Variants in C1orf105 observed in about 807,000 individuals in gnomAD.
C1orf105 encodes chromosome 1 open reading frame 105, also known as uncharacterized protein C1orf105.
Under a neutral mutation model 20.8 loss-of-function variants are expected in C1orf105, and 17 were observed. The observed-to-expected ratio is 0.82, with a 90% CI of 0.56 to 1.23. C1orf105 has a LOEUF of 1.23. Among genes scored for constraint, C1orf105 ranks in the 50% most tolerant of loss-of-function variants. The pLI is 0.00. For synonymous variants in C1orf105, 72 were observed against 72.1 expected, an observed-to-expected ratio of 1.00 and a Z score of 0.01; for missense variants, 219 against 213.5, an observed-to-expected ratio of 1.03 and a Z score of -0.16.
At chr1:172,425,508 A>G (rs764151382) in intron 1 of C1orf105, among the ~76,000 whole-genome samples, 5 of 152,104 alleles carry the variant, frequency 3.3e-5, no homozygotes, top group African/African-American at 7.2e-5. Flanking sequence ...ACAAGCCTTC[A>G]GCTGTTTCTA....
intron 1 of C1orf105, among the ~76,000 whole-genome samples, chr1:172,436,907 C>G (rs577824323): frequency 6.6e-6 from 1 of 151,974 alleles, no homozygotes; most frequent in African/African-American, 2.4e-5. Flanking sequence ...AAAAAACAAC[C>G]CCATCAAAAA....
intron 3 of C1orf105, chr1:172,453,108 C>A: frequency 6.4e-7 from 1 of 1,550,968 alleles, no homozygotes; most frequent in Non-Finnish European, 8.7e-7. Context: ...TTCCACGACT[C>A]TTCAATGCCC....
chr1:172,452,961 T>C, intron 3 of C1orf105: 1 of 1,545,354 alleles, frequency 6.5e-7, no homozygotes. Flanking sequence ...GAGAAGGGAA[T>C]GCAACAGAAG....
At chr1:172,442,538 C>T in intron 1 of C1orf105, 7 of 1,614,210 alleles carry the variant, frequency 4.3e-6, no homozygotes, top group Non-Finnish European at 5.9e-6. Context: ...CGCCGGTCCA[C>T]ATAGTTATCA....
At chr1:172,465,762 T>G in intron 6 of C1orf105, 1 of 438,244 alleles carries the variant, frequency 2.3e-6, no homozygotes, top group Non-Finnish European at 4.6e-6. Flanking sequence ...CCCTGAACCT[T>G]TCACTCCACC....
At chr1:172,433,445 T>C (rs1573837081) in intron 1 of C1orf105, among the ~76,000 whole-genome samples, 1 of 152,180 alleles carries the variant, frequency 6.6e-6, no homozygotes, top group East Asian at 1.9e-4. Flanking sequence ...TGGGGGCCAA[T>C]ATTCAACATT....
At chr1:172,465,463 C>A in intron 6 of C1orf105, 100 bp downstream of exon 6, 2 of 901,008 alleles carry the variant, frequency 2.2e-6, no homozygotes, top group Non-Finnish European at 1.8e-6. Context: ...ATTTCCTGAG[C>A]AAATCCTCAC....
chr1:172,464,953 C>T (rs755884993), intron 5 of C1orf105, among the ~76,000 whole-genome samples: 6 of 152,038 alleles, frequency 3.9e-5, no homozygotes, highest in Non-Finnish European at 7.4e-5. Context: ...GAGGCTGAGG[C>T]GGGCAGATCA....
At chr1:172,458,384 A>T (rs921916786) in intron 4 of C1orf105, among the ~76,000 whole-genome samples, 9 of 152,246 alleles carry the variant, frequency 5.9e-5, no homozygotes, top group African/African-American at 4.8e-5. Context: ...AGGATACAAG[A>T]TCAGTATATA....
chr1:172,448,918 A>AT (rs1157685239), intron 3 of C1orf105, among the ~76,000 whole-genome samples: 2 of 152,154 alleles, frequency 1.3e-5, no homozygotes, highest in African/African-American at 4.8e-5. Flanking sequence ...GGAATTTTAC[A>AT]TTAAAAACTC....
chr1:172,433,561 G>T (rs1323337917), intron 1 of C1orf105, among the ~76,000 whole-genome samples: 2 of 152,154 alleles, frequency 1.3e-5, no homozygotes, highest in Non-Finnish European at 2.9e-5. Context: ...GCTGAGAGAT[G>T]TTGTCACCAC....
At chr1:172,425,452 G>GA (rs890750798) in intron 1 of C1orf105, among the ~76,000 whole-genome samples, 7 of 151,770 alleles carry the variant, frequency 4.6e-5, no homozygotes, top group South Asian at 4.2e-4. Flanking sequence ...GTTACGAAAG[G>GA]AAAAAAAAGC....
At chr1:172,450,995 G>T (rs1648566992) in intron 3 of C1orf105, 1 of 152,242 alleles carries the variant, frequency 6.6e-6, no homozygotes, top group African/African-American at 2.4e-5. Context: ...ATTTTCTCCT[G>T]CCATTTGCAG....
intron 1 of C1orf105, among the ~76,000 whole-genome samples, chr1:172,431,475 T>A (rs2071872228): frequency 1.3e-5 from 2 of 152,322 alleles, no homozygotes; most frequent in East Asian, 1.9e-4. Flanking sequence ...GAAGAAAGGT[T>A]TGAAACTAAG....
intron 4 of C1orf105, 37 bp from the exon 5 acceptor site, chr1:172,462,141 T>C: frequency 1.4e-6 from 2 of 1,478,760 alleles, no homozygotes; most frequent in South Asian, 2.3e-5. Context: ...CAAAATGCAG[T>C]TACAGGCAAC....
chr1:172,434,603 A>C (rs937702830), intron 1 of C1orf105, among the ~76,000 whole-genome samples: 4 of 152,274 alleles, frequency 2.6e-5, no homozygotes, highest in Non-Finnish European at 5.9e-5. Flanking sequence ...CATTTAAAGC[A>C]GTGTGTAGAG....
chr1:172,433,440 G>A (rs953112338), intron 1 of C1orf105, among the ~76,000 whole-genome samples: 2 of 152,164 alleles, frequency 1.3e-5, no homozygotes, highest in Admixed American at 1.3e-4. Context: ...GAGAGTGGGG[G>A]CCAATATTCA....
chr1:172,428,549 C>T (rs1232167762), intron 1 of C1orf105, among the ~76,000 whole-genome samples: 1 of 152,232 alleles, frequency 6.6e-6, no homozygotes, highest in African/African-American at 2.4e-5. Flanking sequence ...CTTTCCTCTG[C>T]AGCTCTTCCC....
intron 3 of C1orf105, among the ~76,000 whole-genome samples, chr1:172,450,609 G>A (rs1030941081): frequency 7.9e-5 from 12 of 152,232 alleles, no homozygotes; most frequent in African/African-American, 2.9e-4. Context: ...GCCAACTGGA[G>A]ACCCCGGACC....
Sources: gnomAD v4.1 joint callset for allele counts (sites outside exome capture counted in the v4.1 genomes callset) on GRCh38, gnomAD v4.1.1 for gene constraint, MANE v1.5 for transcripts, NCBI Gene and HGNC (gene_info 2026-07-23, HGNC 2026-07-21) for gene names.